SPATA21: variants seen among roughly 807,000 people sequenced by gnomAD.
SPATA21 encodes the protein spermatogenesis associated 21.
SPATA21 carries 47 observed loss-of-function variants against 54.8 expected under a neutral mutation model. The observed-to-expected ratio is 0.86, with a 90% CI of 0.68 to 1.09. The LOEUF is 1.09. Among genes scored for constraint, SPATA21 ranks in the 50% least tolerant of loss-of-function variants. The pLI is 0.00. For synonymous variants in SPATA21, 245 were observed against 235.3 expected (o/e 1.04, Z -0.38); for missense variants, 599 against 596.4 (o/e 1.00, Z -0.05).
intron 3 of SPATA21, 66 bp from the exon 4 acceptor site, chr1:16,422,037 G>A: frequency 6.2e-7 from 1 of 1,613,078 alleles, no homozygotes; most frequent in African/African-American, 1.3e-5. Context: ...CCCTGGGCTG[G>A]GCTCTGGCGG....
At chr1:16,424,019 T>A (rs1305012212) in intron 3 of SPATA21, among the ~76,000 whole-genome samples, 2 of 151,496 alleles carry the variant, frequency 1.3e-5, no homozygotes, top group Non-Finnish European at 2.9e-5. Flanking sequence ...AGGAAATGGT[T>A]GGGGTGATGG....
chr1:16,411,803 AAAAAAC>A (rs1557656142), intron 5 of SPATA21, among the ~76,000 whole-genome samples: 3 of 135,570 alleles, frequency 2.2e-5, no homozygotes, highest in Admixed American at 7.5e-5. Flanking sequence ...AAAAAAAAAA[AAAAAAC>A]AAAACAAAAC....
intron 5 of SPATA21, among the ~76,000 whole-genome samples, chr1:16,413,689 C>T (rs1214044097): frequency 6.6e-6 from 1 of 152,130 alleles, no homozygotes; most frequent in Non-Finnish European, 1.5e-5. Context: ...TCTTGGCTCA[C>T]CGAACCTCCA....
In SPATA21 at chr1:16,421,873, T is replaced by G. The variant is rs201883447; in HGVS notation, c.95+38A>C. ...CCTGAAACTCAGCAGAAGAGCATCC[T>G]TGTTGGGGGCAGGGGATGGCACTGG... On this transcript the variant is annotated intron_variant, in intron 4 of 12. Transcript: ENST00000335496. The surrounding 1 kb of genome is among the most constrained non-coding windows in gnomAD (Gnocchi z 5.2). 6.8e-6 allele frequency: 11 copies of G among 1,614,030 alleles called. No homozygotes were observed. The Admixed American group carries it at 1.8e-4, about 27-fold the overall frequency.
intron 10 of SPATA21, among the ~76,000 whole-genome samples, chr1:16,402,463 A>ATG (rs2085482720): frequency 6.6e-6 from 1 of 151,050 alleles, no homozygotes; most frequent in Admixed American, 6.6e-5. Flanking sequence ...AGGTTTCACC[A>ATG]TGTTAGCCAG....
At chr1:16,416,883 C>T (rs139047342) in intron 5 of SPATA21, among the ~76,000 whole-genome samples, 19 of 152,284 alleles carry the variant, frequency 1.2e-4, no homozygotes, top group Admixed American at 2.6e-4. Context: ...GTGCGGCACA[C>T]GCAGACAGGA....
chr1:16,421,468 C>A lies in SPATA21; in HGVS notation c.144+41G>T. On this transcript the variant is annotated intron_variant, in intron 5 of 12. Coordinates refer to ENST00000335496, the MANE Select transcript of SPATA21 (RefSeq NM_198546.1). This position sits in a 1 kb window ranked among gnomAD's most constrained non-coding sequence, Gnocchi z 5.2. ...TCCTCCTGATCCCCCCTGCCTTTCT[C>A]CTACACAGCTCGTCCCCGTTCCCCC... 6.3e-7 allele frequency: 1 copy of A among 1,588,666 alleles called. No homozygotes were observed.
intron 5 of SPATA21, among the ~76,000 whole-genome samples, chr1:16,418,832 G>T (rs1022573668): frequency 2.0e-5 from 3 of 152,332 alleles, no homozygotes; most frequent in Non-Finnish European, 4.4e-5. Flanking sequence ...ATAAGCCACT[G>T]CATCCGGCCT....
intron 5 of SPATA21, among the ~76,000 whole-genome samples, chr1:16,420,521 GGAAA>G (rs752725922): frequency 5.3e-5 from 8 of 151,892 alleles, no homozygotes; most frequent in East Asian, 1.9e-4. Flanking sequence ...TCAAAAAAAA[GGAAA>G]GAAAGAAAGA....
rs35240103 is a variant in SPATA21, at chr1:16,432,114, CTT to C, written c.-52+674_-52+675del. ...TTTTTCTTTTCTTCTTCTTCTTCTTCTTTTTTTTTTTTTTTTGTTTGTTTTGA... is the reference window on the plus strand; with the variant it reads ...TTTTTCTTTTCTTCTTCTTCTTCTTCTTTTTTTTTTTTTTGTTTGTTTTGA... On this transcript the variant is annotated intron_variant, in intron 2 of 12. Transcript: ENST00000335496. Among the ~76,000 whole-genome samples, 425 of 133,078 alleles carry C rather than the reference CTT, an allele frequency of 3.2e-3. 4 individuals carry two copies. Among genetic ancestry groups the C allele is most frequent in the African/African-American group, 8.2e-3 (296 of 35,892 alleles). The allele number at this position is 133,078 out of a possible 152,430, so 87.3% of individuals were successfully genotyped here. A position where few individuals can be genotyped will look rare whatever the true frequency, so the allele number is the denominator to read the frequency against.
Position 16,421,623 on chromosome 1 carries a change from C to T in SPATA21, c.96-66G>A. ...CTGAAGGTTTGCCCCCCTGCCCTCC[C>T]CTCTCAGCCCCCAGGACACTCAGTT... On this transcript the variant is annotated intron_variant, in intron 4 of 12. Transcript: ENST00000335496. The surrounding 1 kb of genome is among the most constrained non-coding windows in gnomAD (Gnocchi z 5.2). 6.7e-7 allele frequency: 1 copy of T among 1,500,474 alleles called. No individual in the cohort carries two copies. The highest frequency in any genetic ancestry group is 9.1e-7 in the Non-Finnish European group (1 of 1,101,120). 92.9% of individuals were successfully genotyped at this position (1,500,474 alleles called of 1,614,324 possible). A position where few individuals can be genotyped will look rare whatever the true frequency, so the allele number is the denominator to read the frequency against.
intron 1 of SPATA21, among the ~76,000 whole-genome samples, chr1:16,436,230 T>C (rs1202396065): frequency 6.6e-6 from 1 of 151,738 alleles, no homozygotes; most frequent in Non-Finnish European, 1.5e-5. Flanking sequence ...CTACTAAAAG[T>C]ACAGAATTAG....
In SPATA21 at chr1:16,421,666, C is replaced by T; in HGVS notation, c.96-109G>A. 8.0e-7 allele frequency: 1 copy of T among 1,256,122 alleles called. No homozygotes were observed. Among genetic ancestry groups the T allele is most frequent in the Non-Finnish European group, 1.1e-6 (1 of 898,134 alleles). The allele number at this position is 1,256,122 out of a possible 1,614,324, so 77.8% of individuals were successfully genotyped here. On this transcript the variant is annotated intron_variant, in intron 4 of 12. Transcript: ENST00000335496. The surrounding 1 kb of genome is among the most constrained non-coding windows in gnomAD (Gnocchi z 5.2). Reference sequence around the variant, plus strand: ...ACTCAGTTCCACCCCAGCCTCATCCCCTTGGCCTTCTCATCTCAGGGGGCT... The same window carrying T: ...ACTCAGTTCCACCCCAGCCTCATCCTCTTGGCCTTCTCATCTCAGGGGGCT...
At chr1:16,432,254 T>C (rs1478160713) in intron 2 of SPATA21, among the ~76,000 whole-genome samples, 1 of 151,970 alleles carries the variant, frequency 6.6e-6, no homozygotes, top group Non-Finnish European at 1.5e-5. Flanking sequence ...CCCTACTAGC[T>C]GGGATTTTAG....
chr1:16,420,796 G>A lies in SPATA21; in HGVS notation c.144+713C>T, dbSNP rs116235806. On this transcript the variant is annotated intron_variant, in intron 5 of 12. Transcript: ENST00000335496. The stretch of plus-strand genomic sequence containing the variant: ...GTGACACATGAGTGAGATGAGGGGC[G>A]TGGGGGATGCTGTTGTGAAATGATG... 4.9e-3 allele frequency among the ~76,000 whole-genome samples: 750 copies of A among 152,110 alleles called. 7 individuals are homozygous for A. The highest frequency in any genetic ancestry group is 0.017 in the African/African-American group (694 of 41,442).
Position 16,400,119 on chromosome 1 carries a change from C to T in SPATA21, c.1175-598G>A, listed in dbSNP as rs541899541. 8.5e-5 allele frequency among the ~76,000 whole-genome samples: 13 copies of T among 152,074 alleles called. No homozygotes were observed. The East Asian group carries it at 1.2e-3, about 14-fold the overall frequency. The stretch of plus-strand genomic sequence containing the variant: ...TCGGCTCACTGCAACCTCCATCTCC[C>T]GGGTTCAAGCGATTCTCCAGCCTCA... On this transcript the variant is annotated intron_variant, in intron 11 of 12. Coordinates refer to ENST00000335496, the MANE Select transcript of SPATA21 (RefSeq NM_198546.1).
chr1:16,417,531 C>T (rs1570163204), intron 5 of SPATA21, among the ~76,000 whole-genome samples: 1 of 151,878 alleles, frequency 6.6e-6, no homozygotes, highest in East Asian at 1.9e-4. Context: ...CTCTGCCTCC[C>T]AGGTTCAAGC....
At chr1:16,425,756 C>T (rs1421274531) in intron 3 of SPATA21, 1 of 1,536,770 alleles carries the variant, frequency 6.5e-7, no homozygotes, top group African/African-American at 1.4e-5. Flanking sequence ...CAAAGTGACA[C>T]TTTAGCTCCC....
chr1:16,407,190 C>T (rs929754978), intron 7 of SPATA21, among the ~76,000 whole-genome samples: 11 of 152,124 alleles, frequency 7.2e-5, no homozygotes, highest in African/African-American at 1.4e-4. Flanking sequence ...TGTTGGGGCA[C>T]GTGGTGACCT....
Sources: allele counts gnomAD v4.1 joint callset (sites outside exome capture counted in the v4.1 genomes callset), GRCh38; gene constraint gnomAD v4.1.1; non-coding constraint Gnocchi (gnomAD v3.1); transcripts MANE v1.5; gene names NCBI Gene and HGNC (gene_info 2026-07-23, HGNC 2026-07-21).